Variants in CGNL1 observed in about 807,000 individuals in gnomAD.
The protein encoded by CGNL1 is cingulin like 1.
Under a neutral mutation model 141.2 loss-of-function variants are expected in CGNL1, and 132 were observed. That is an observed-to-expected ratio of 0.93 (90% CI 0.81 to 1.08). The LOEUF is 1.08. CGNL1 is among the 50% of genes least tolerant of loss of function. The pLI is 0.00. For synonymous variants in CGNL1, 690 were observed against 622.1 expected (o/e 1.11, Z -1.63); for missense variants, 1,870 against 1,588.6 (o/e 1.18, Z -3.01).
At chr15:57,419,960 T>C (rs1664434) in intron 1 of CGNL1, among the ~76,000 whole-genome samples, 129,150 of 152,212 alleles carry the variant, frequency 0.85, 55,102 homozygotes, top group East Asian at 0.96. Flanking sequence ...TTTATTTAGT[T>C]ATAAGTGTGG....
chr15:57,545,948 C>T, intron 17 of CGNL1, 128 bp from the exon 18 acceptor site: 1 of 1,079,506 alleles, frequency 9.3e-7, no homozygotes, highest in Non-Finnish European at 1.3e-6. Flanking sequence ...TCCATGTTTC[C>T]CAAGAGACTG....
intron 14 of CGNL1, among the ~76,000 whole-genome samples, chr15:57,539,014 C>T (rs932360716): frequency 1.3e-5 from 2 of 152,184 alleles, no homozygotes; most frequent in African/African-American, 4.8e-5. Context: ...GTGATAACAT[C>T]TGCCTCGGAG....
intron 14 of CGNL1, among the ~76,000 whole-genome samples, chr15:57,542,735 T>C (rs2140239144): frequency 6.6e-6 from 1 of 152,298 alleles, no homozygotes; most frequent in South Asian, 2.1e-4. Flanking sequence ...GAATGCTAGC[T>C]CCCCCATTCC....
chr15:57,451,482 C>A lies in CGNL1; in HGVS notation c.1804-18C>A, dbSNP rs183062569. 3.2e-4 allele frequency: 494 copies of A among 1,541,072 alleles called. 1 individual carries two copies. Among genetic ancestry groups the A allele is most frequent in the Admixed American group, 9.9e-4 (57 of 57,292 alleles). ...ACCCTGAACATTTAAATTAGTATATCTTTGCAATTAATTATAGGCTTGTAA... is the reference window on the plus strand; with the variant it reads ...ACCCTGAACATTTAAATTAGTATATATTTGCAATTAATTATAGGCTTGTAA... On this transcript the variant is annotated intron_variant, in intron 4 of 18. Coordinates refer to ENST00000281282, the MANE Select transcript of CGNL1 (RefSeq NM_032866.5).
At chr15:57,429,912 C>T (rs932188073) in intron 1 of CGNL1, among the ~76,000 whole-genome samples, 2 of 152,190 alleles carry the variant, frequency 1.3e-5, no homozygotes, top group African/African-American at 4.8e-5. Context: ...CTGGGCTCAG[C>T]TGATCCTCCT....
chr15:57,546,614 G>A (rs978652612), intron 18 of CGNL1, among the ~76,000 whole-genome samples: 9 of 152,168 alleles, frequency 5.9e-5, no homozygotes, highest in Admixed American at 2.6e-4. Flanking sequence ...GTTCTGGTTT[G>A]TATCCTCAAG....
At chr15:57,455,814 T>C (rs892626305) in intron 7 of CGNL1, among the ~76,000 whole-genome samples, 2 of 152,170 alleles carry the variant, frequency 1.3e-5, no homozygotes, top group Non-Finnish European at 2.9e-5. Flanking sequence ...GGGATAACGA[T>C]ATGAGACTGT....
intron 1 of CGNL1, among the ~76,000 whole-genome samples, chr15:57,382,749 G>A (rs1412332267): frequency 1.3e-5 from 2 of 152,166 alleles, no homozygotes; most frequent in Non-Finnish European, 2.9e-5. Context: ...AGGAACGACT[G>A]TGACCAGGAC....
At chr15:57,395,336 T>G (rs1404046398) in intron 1 of CGNL1, among the ~76,000 whole-genome samples, 1 of 152,230 alleles carries the variant, frequency 6.6e-6, no homozygotes, top group African/African-American at 2.4e-5. Context: ...AAAATCTTCT[T>G]ACTTCTGCAA....
intron 1 of CGNL1, among the ~76,000 whole-genome samples, chr15:57,387,229 T>G (rs1345666900): frequency 3.9e-5 from 6 of 152,238 alleles, no homozygotes; most frequent in Non-Finnish European, 8.8e-5. Flanking sequence ...TCACTTAGCA[T>G]AATGTTTTCA....
At chr15:57,515,982 C>A (rs2030744949) in intron 8 of CGNL1, among the ~76,000 whole-genome samples, 1 of 151,740 alleles carries the variant, frequency 6.6e-6, no homozygotes, top group African/African-American at 2.4e-5. Flanking sequence ...CATGGTGAAA[C>A]CCCGTCTCTA....
chr15:57,465,628 G>T (rs1995986), intron 8 of CGNL1, among the ~76,000 whole-genome samples: 66,089 of 150,668 alleles, frequency 0.44, 14,600 homozygotes, highest in Admixed American at 0.55. Context: ...TGACCTCAGG[G>T]GATCCGTCAG....
chr15:57,475,024 G>A (rs2063633910), intron 8 of CGNL1, among the ~76,000 whole-genome samples: 1 of 152,146 alleles, frequency 6.6e-6, no homozygotes, highest in African/African-American at 2.4e-5. Flanking sequence ...CAGGTCTGTG[G>A]CTTCCACATC....
At position 57,441,210 on chromosome 15, in the gene CGNL1, T is replaced by C. The variant is rs186252250; in HGVS notation, c.1697+739T>C. On this transcript the variant is annotated intron_variant, in intron 3 of 18. Transcript: ENST00000281282. ...GTCAGTTTTAGAGCTAACAACATAGTAAGGCTCAAAATATAAAACAGGGGA... is the reference window on the plus strand; with the variant it reads ...GTCAGTTTTAGAGCTAACAACATAGCAAGGCTCAAAATATAAAACAGGGGA... 1.1e-4 allele frequency among the ~76,000 whole-genome samples: 17 copies of C among 151,922 alleles called. No individual in the cohort carries two copies. In the East Asian group the frequency reaches 3.3e-3, roughly 29 times the overall value.
chr15:57,539,269 CT>C (rs532715057), intron 14 of CGNL1, among the ~76,000 whole-genome samples: 8 of 152,080 alleles, frequency 5.3e-5, no homozygotes, highest in Non-Finnish European at 1.2e-4. Context: ...CCTTTCTTGC[CT>C]CTACCTTCCC....
In CGNL1 at chr15:57,543,749, G is replaced by A; in HGVS notation, c.3345G>A (p.Leu1115=). Residue 1115 remains leucine, a synonymous_variant, in exon 15 of 19, where the codon TTG becomes TTA. Transcript: ENST00000281282. ...AGGAGAGAGCTGCGAGACAAGACTTGGAGTGCGACAAGATTTCCCTGGAGA... is the reference window on the plus strand; with the variant it reads ...AGGAGAGAGCTGCGAGACAAGACTTAGAGTGCGACAAGATTTCCCTGGAGA... ...LLQERAARQD[L]ECDKISLERQ... is the part of the protein sequence containing the mutation. The A allele has an allele frequency of 5.0e-6, 8 of 1,614,072 alleles. No individual in the cohort carries two copies. The highest frequency in any genetic ancestry group is 5.9e-6 in the Non-Finnish European group (7 of 1,179,982).
chr15:57,499,988 C>A (rs531400950), intron 8 of CGNL1, among the ~76,000 whole-genome samples: 5 of 152,036 alleles, frequency 3.3e-5, no homozygotes, highest in Admixed American at 1.3e-4. Context: ...GGTGGAAGTA[C>A]CATCTTGGCT....
At chr15:57,525,877 C>G (rs1222133632) in intron 12 of CGNL1, among the ~76,000 whole-genome samples, 2 of 151,120 alleles carry the variant, frequency 1.3e-5, no homozygotes, top group African/African-American at 4.9e-5. Flanking sequence ...CATCACAGTT[C>G]TCTTTGGTAT....
intron 7 of CGNL1, among the ~76,000 whole-genome samples, chr15:57,460,087 G>T (rs1422395133): frequency 2.0e-5 from 3 of 152,164 alleles, no homozygotes; most frequent in Non-Finnish European, 4.4e-5. Flanking sequence ...TTTGGGAAGA[G>T]GGAGTGAAAA....
Sources: allele counts gnomAD v4.1 joint callset (sites outside exome capture counted in the v4.1 genomes callset), GRCh38; gene constraint gnomAD v4.1.1; transcripts MANE v1.5; gene names NCBI Gene and HGNC (gene_info 2026-07-23, HGNC 2026-07-21).